Variants in ELMO1 observed in about 807,000 individuals in gnomAD.
The protein encoded by ELMO1 is engulfment and cell motility 1, also known as engulfment and cell motility protein 1.
A neutral mutation model predicts 98.9 loss-of-function variants in ELMO1; 26 were observed. The ratio of observed to expected loss-of-function variants is 0.26; its 90% CI spans 0.19 to 0.36. The LOEUF (loss-of-function observed/expected upper bound fraction) is 0.36. Ranked by LOEUF, ELMO1 falls within the 10% of genes least tolerant of loss-of-function variation. The pLI is 1.00. For synonymous variants in ELMO1, 346 were observed against 346.0 expected, an observed-to-expected ratio of 1.00 and a Z score of 0.00; for missense variants, 627 against 935.2, an observed-to-expected ratio of 0.67 and a Z score of 4.30.
chr7:37,064,457 C>T (rs374306557), intron 15 of ELMO1, among the ~76,000 whole-genome samples: 1 of 152,124 alleles, frequency 6.6e-6, no homozygotes, highest in African/African-American at 2.4e-5. Context: ...GGTTTGACAG[C>T]CAGTGGGCCT....
intron 5 of ELMO1, chr7:37,271,625 C>T: frequency 3.7e-6 from 2 of 541,654 alleles, no homozygotes; most frequent in South Asian, 2.7e-5. Context: ...ACAAGCTTGC[C>T]CTTCGCCTGG....
intron 3 of ELMO1, 24 bp from the exon 4 acceptor site, chr7:37,314,946 AT>A: frequency 6.3e-7 from 1 of 1,594,098 alleles, no homozygotes; most frequent in Non-Finnish European, 8.5e-7. Context: ...GCGTATACTG[AT>A]TAGAAAAATG....
intron 4 of ELMO1, among the ~76,000 whole-genome samples, chr7:37,295,555 T>C (rs995455478): frequency 4.6e-5 from 7 of 152,230 alleles, no homozygotes; most frequent in Admixed American, 3.9e-4. Context: ...TTTGAAACAA[T>C]GTACTGACTA....
rs536735762 is a variant in ELMO1 at position 37,346,100 on chromosome 7, G to A, written c.-73-3337C>T. Among the ~76,000 whole-genome samples, 11 of 152,308 alleles carry A rather than the reference G, an allele frequency of 7.2e-5. No homozygotes were observed. The South Asian group carries it at 1.9e-3, about 26-fold the overall frequency. On this transcript the variant is annotated intron_variant, in intron 1 of 21. Coordinates refer to ENST00000310758, the MANE Select transcript of ELMO1 (RefSeq NM_014800.11). ...AGCAAGTGCGAAGGCCCCAAGGCAG[G>A]AGCATGCCTGTTATGTTCCTGAAAC...
chr7:37,334,654 G>A (rs1001392349), intron 2 of ELMO1, among the ~76,000 whole-genome samples: 2 of 152,170 alleles, frequency 1.3e-5, no homozygotes, highest in African/African-American at 4.8e-5. Flanking sequence ...CACATAGTGT[G>A]TGGTGCTTGC....
chr7:37,226,475 T>TCTAAG (rs1793879172), intron 8 of ELMO1, among the ~76,000 whole-genome samples: 5 of 152,154 alleles, frequency 3.3e-5, no homozygotes, highest in Non-Finnish European at 4.4e-5. Context: ...GTGTTCAGGG[T>TCTAAG]TTAATACTTA....
At chr7:37,063,836 G>C (rs1329678900) in intron 15 of ELMO1, among the ~76,000 whole-genome samples, 1 of 151,944 alleles carries the variant, frequency 6.6e-6, no homozygotes, top group Non-Finnish European at 1.5e-5. Context: ...TCCTTAAGTA[G>C]TAAGTACCAC....
intron 13 of ELMO1, among the ~76,000 whole-genome samples, chr7:37,164,506 A>AT (rs1430521036): frequency 1.3e-5 from 2 of 152,134 alleles, no homozygotes; most frequent in East Asian, 3.8e-4. Context: ...TCTTGAATTG[A>AT]TTTTTGTACA....
At chr7:36,906,656 T>C (rs1389134773) in intron 16 of ELMO1, among the ~76,000 whole-genome samples, 1 of 152,124 alleles carries the variant, frequency 6.6e-6, no homozygotes, top group East Asian at 1.9e-4. Context: ...CCAGGTGCAG[T>C]GACTCATGTC....
At chr7:37,345,650 G>A (rs1800965729) in intron 1 of ELMO1, among the ~76,000 whole-genome samples, 1 of 151,558 alleles carries the variant, frequency 6.6e-6, no homozygotes, top group Non-Finnish European at 1.5e-5. Context: ...GAGGTTGCAG[G>A]GGACCAAGAT....
In ELMO1 at chr7:37,431,124, G is replaced by A. The variant is rs113783583; in HGVS notation, c.-74+17551C>T. On this transcript the variant is annotated intron_variant, in intron 1 of 21. Coordinates refer to ENST00000310758, the MANE Select transcript of ELMO1 (RefSeq NM_014800.11). ...GGCCAAAGCAGGAGGTTAACTTGAA[G>A]CCAGGAGTTTGAGACCAGCATGGGC... Among the ~76,000 whole-genome samples the A allele has an allele frequency of 6.5e-3, 986 of 152,262 alleles. 7 individuals are homozygous for A. Among genetic ancestry groups the A allele is most frequent in the African/African-American group, 0.022 (911 of 41,544 alleles).
In ELMO1 at chr7:37,368,888, T is replaced by C. The variant is rs1470509541; in HGVS notation, c.-73-26125A>G. 4.6e-5 allele frequency among the ~76,000 whole-genome samples: 7 copies of C among 152,330 alleles called. No individual in the cohort carries two copies. In the East Asian group the frequency reaches 1.3e-3, roughly 29 times the overall value. On this transcript the variant is annotated intron_variant, in intron 1 of 21. Coordinates refer to ENST00000310758, the MANE Select transcript of ELMO1 (RefSeq NM_014800.11). ...TATTGGTAAATCATTCTCATGTGAT[T>C]CCCTGCATTGTGCACATTAAATACA...
intron 5 of ELMO1, chr7:37,269,952 G>A (rs1796469780): frequency 1.3e-5 from 2 of 152,062 alleles, no homozygotes; most frequent in Admixed American, 1.3e-4. Flanking sequence ...CGGAATTTTT[G>A]TTCATAAATC....
At chr7:36,857,159 C>A (rs1287177380) in intron 21 of ELMO1, among the ~76,000 whole-genome samples, 2 of 152,180 alleles carry the variant, frequency 1.3e-5, no homozygotes, top group Non-Finnish European at 2.9e-5. Context: ...TTTGGTTCTA[C>A]CTTGGCTATG....
chr7:37,105,143 G>A lies in ELMO1; in HGVS notation c.1192-8416C>T, dbSNP rs150044196. 2.8e-3 allele frequency among the ~76,000 whole-genome samples: 432 copies of A among 152,306 alleles called. 5 individuals carry two copies. Among genetic ancestry groups the A allele is most frequent in the African/African-American group, 9.6e-3 (400 of 41,564 alleles). On this transcript the variant is annotated intron_variant, in intron 14 of 21. Coordinates refer to ENST00000310758, the MANE Select transcript of ELMO1 (RefSeq NM_014800.11). ...TGATATAGTGCAACAAAAGCAGGACGCGCAAAACACACAGAGCAATCAAAG... is the reference window on the plus strand; with the variant it reads ...TGATATAGTGCAACAAAAGCAGGACACGCAAAACACACAGAGCAATCAAAG...
intron 15 of ELMO1, among the ~76,000 whole-genome samples, chr7:37,056,013 T>TA (rs1173817465): frequency 6.6e-6 from 1 of 152,222 alleles, no homozygotes; most frequent in African/African-American, 2.4e-5. Flanking sequence ...TTTGGTGCTT[T>TA]AAGAAGAACA....
intron 13 of ELMO1, among the ~76,000 whole-genome samples, chr7:37,136,825 A>C (rs1787295607): frequency 1.3e-5 from 2 of 152,306 alleles, no homozygotes; most frequent in African/African-American, 4.8e-5. Context: ...CTCACAATAC[A>C]TACATGTTGT....
chr7:37,432,824 T>A (rs1352933663), intron 1 of ELMO1, among the ~76,000 whole-genome samples: 1 of 152,232 alleles, frequency 6.6e-6, no homozygotes, highest in Non-Finnish European at 1.5e-5. Flanking sequence ...CAAGAAACGT[T>A]TTCTATGTTC....
chr7:36,907,452 A>G (rs949944266), intron 16 of ELMO1, among the ~76,000 whole-genome samples: 2 of 152,190 alleles, frequency 1.3e-5, no homozygotes, highest in East Asian at 1.9e-4. Context: ...CCTGTCACCC[A>G]CCACAGCTAC....
Sources: allele counts gnomAD v4.1 joint callset (sites outside exome capture counted in the v4.1 genomes callset), GRCh38; gene constraint gnomAD v4.1.1; transcripts MANE v1.5; gene names NCBI Gene and HGNC (gene_info 2026-07-23, HGNC 2026-07-21).